PTPRD: variants seen among roughly 807,000 people sequenced by gnomAD.
PTPRD encodes the protein receptor-type tyrosine-protein phosphatase delta.
Under a neutral mutation model 214.5 loss-of-function variants are expected in PTPRD, and 34 were observed. That is an observed-to-expected ratio of 0.16 (90% confidence interval 0.12 to 0.21). The LOEUF (loss-of-function observed/expected upper bound fraction) is 0.21. Ranked by LOEUF, PTPRD falls within the 10% of genes least tolerant of loss-of-function variation. The pLI is 1.00. For synonymous variants in PTPRD, 1,128 were observed against 845.7 expected (o/e 1.33, Z -5.79); for missense variants, 2,545 against 2,398.7 (o/e 1.06, Z -1.27).
intron 8 of PTPRD, among the ~76,000 whole-genome samples, chr9:9,546,063 GT>G (rs1287592379): frequency 4.6e-5 from 7 of 151,482 alleles, no homozygotes; most frequent in Non-Finnish European, 8.9e-5. Flanking sequence ...ATGGTATTGT[GT>G]TTTTAATCTC....
intron 3 of PTPRD, among the ~76,000 whole-genome samples, chr9:10,301,044 C>G (rs1191635777): frequency 2.0e-5 from 3 of 152,136 alleles, no homozygotes; most frequent in South Asian, 4.1e-4. Flanking sequence ...AATTGCCCCT[C>G]TGGGATGAAG....
intron 7 of PTPRD, among the ~76,000 whole-genome samples, chr9:9,595,250 G>T: frequency 7.1e-6 from 1 of 141,576 alleles, no homozygotes; most frequent in South Asian, 2.1e-4. Flanking sequence ...TCTACCCAGA[G>T]GGAAATAAGT....
intron 11 of PTPRD, among the ~76,000 whole-genome samples, chr9:8,964,757 T>C (rs2099181834): frequency 6.6e-6 from 1 of 152,162 alleles, no homozygotes; most frequent in African/African-American, 2.4e-5. Context: ...GTTGTGTCTC[T>C]GTTTTCACTT....
chr9:9,375,509 T>C (rs1052484293), intron 9 of PTPRD, among the ~76,000 whole-genome samples: 8 of 151,968 alleles, frequency 5.3e-5, no homozygotes, highest in South Asian at 2.1e-4. Flanking sequence ...GGCAGAAGAA[T>C]CACTTGAACC....
intron 10 of PTPRD, among the ~76,000 whole-genome samples, chr9:9,123,866 C>T (rs2099819978): frequency 1.3e-5 from 2 of 152,020 alleles, no homozygotes; most frequent in African/African-American, 4.8e-5. Flanking sequence ...CACAGTCAAC[C>T]ACATTGTGTG....
intron 5 of PTPRD, among the ~76,000 whole-genome samples, chr9:9,808,974 C>G (rs1410370193): frequency 6.9e-6 from 1 of 145,012 alleles, no homozygotes; most frequent in African/African-American, 2.5e-5. Flanking sequence ...TTTGTAGAAA[C>G]AAGATCTCAC....
At chr9:10,550,826 T>C (rs992214467) in intron 2 of PTPRD, among the ~76,000 whole-genome samples, 2 of 152,246 alleles carry the variant, frequency 1.3e-5, no homozygotes, top group East Asian at 3.8e-4. Context: ...AGTGGCCAGA[T>C]ATAAGCTTTT....
At chr9:9,995,488 A>G (rs1487674862) in intron 4 of PTPRD, among the ~76,000 whole-genome samples, 3 of 152,186 alleles carry the variant, frequency 2.0e-5, no homozygotes, top group Non-Finnish European at 4.4e-5. Flanking sequence ...CATATGTGCT[A>G]CTTTTACTTG....
chr9:9,601,583 C>A (rs182352771), intron 7 of PTPRD, among the ~76,000 whole-genome samples: 1 of 152,098 alleles, frequency 6.6e-6, no homozygotes, highest in Admixed American at 6.6e-5. Flanking sequence ...CAATTCAATG[C>A]TCAAATTTAC....
chr9:9,666,592 T>C (rs974298547), intron 7 of PTPRD, among the ~76,000 whole-genome samples: 2 of 151,998 alleles, frequency 1.3e-5, no homozygotes, highest in East Asian at 1.9e-4. Context: ...TTTGAAGTCA[T>C]TGACCTCATA....
At chr9:8,385,776 G>T (rs1589223848) in intron 37 of PTPRD, among the ~76,000 whole-genome samples, 1 of 152,202 alleles carries the variant, frequency 6.6e-6, no homozygotes, top group South Asian at 2.1e-4. Flanking sequence ...CTGTTCCCCG[G>T]CTGATCTCTA....
At chr9:8,697,566 G>A (rs937811164) in intron 12 of PTPRD, among the ~76,000 whole-genome samples, 4 of 151,554 alleles carry the variant, frequency 2.6e-5, no homozygotes, top group African/African-American at 7.3e-5. Flanking sequence ...GGACTTACAG[G>A]TGCCCGCCAC....
chr9:9,378,662 T>C (rs573235696), intron 9 of PTPRD, among the ~76,000 whole-genome samples: 1 of 152,284 alleles, frequency 6.6e-6, no homozygotes, highest in South Asian at 2.1e-4. Flanking sequence ...TTGTCCCATA[T>C]CCTAGCTAGC....
At position 8,323,425 on chromosome 9, in the gene PTPRD, A is replaced by G. The variant is rs373751464; in HGVS notation, c.5535-3459T>C. Among the ~76,000 whole-genome samples the G allele has an allele frequency of 2.5e-4, 38 of 152,346 alleles. No homozygotes were observed. The East Asian group carries it at 6.4e-3, about 25-fold the overall frequency. Reference sequence around the variant, plus strand: ...TTTCTCTGATAGGTCTGGGCAAAGTAAATTGAAAATTTACTGGAAGTAATT... The same window carrying G: ...TTTCTCTGATAGGTCTGGGCAAAGTGAATTGAAAATTTACTGGAAGTAATT... On this transcript the variant is annotated intron_variant, in intron 44 of 45. Coordinates refer to ENST00000381196, the MANE Select transcript of PTPRD (RefSeq NM_002839.4).
At chr9:9,187,868 G>T (rs991761742) in intron 9 of PTPRD, among the ~76,000 whole-genome samples, 5 of 151,670 alleles carry the variant, frequency 3.3e-5, no homozygotes, top group Non-Finnish European at 4.4e-5. Context: ...GAACAAGCAG[G>T]ACTTCTTGGA....
chr9:8,747,823 T>C (rs958500706), intron 11 of PTPRD, among the ~76,000 whole-genome samples: 1 of 152,144 alleles, frequency 6.6e-6, no homozygotes, highest in African/African-American at 2.4e-5. Context: ...AGACCAGGCC[T>C]TTTCAAAACT....
chr9:8,827,264 G>A (rs1041684638), intron 11 of PTPRD, among the ~76,000 whole-genome samples: 1 of 151,992 alleles, frequency 6.6e-6, no homozygotes, highest in Non-Finnish European at 1.5e-5. Flanking sequence ...GGAAATCTAT[G>A]GTAAATAGAT....
chr9:10,231,277 A>C (rs1029235839), intron 3 of PTPRD, among the ~76,000 whole-genome samples: 6 of 151,964 alleles, frequency 3.9e-5, no homozygotes, highest in Non-Finnish European at 5.9e-5. Flanking sequence ...AAAGAAACAA[A>C]ACTGATAGCA....
chr9:8,771,509 A>T (rs1381787989), intron 11 of PTPRD, among the ~76,000 whole-genome samples: 2 of 152,210 alleles, frequency 1.3e-5, no homozygotes, highest in African/African-American at 4.8e-5. Context: ...TAGTATAGTG[A>T]CACACGGACT....
Sources: allele counts gnomAD v4.1 joint callset (sites outside exome capture counted in the v4.1 genomes callset), GRCh38; gene constraint gnomAD v4.1.1; transcripts MANE v1.5; gene names NCBI Gene and HGNC (gene_info 2026-07-23, HGNC 2026-07-21).